The following ZFAT variants were observed in gnomAD, a reference collection of about 807,000 sequenced individuals.
ZFAT encodes zinc finger and AT-hook domain containing.
Under a neutral mutation model 117.7 loss-of-function variants are expected in ZFAT, and 64 were observed. The observed-to-expected ratio is 0.54, with a 90% CI of 0.44 to 0.67. The LOEUF (loss-of-function observed/expected upper bound fraction) is 0.67. Ranked by LOEUF, ZFAT falls within the 30% of genes least tolerant of loss-of-function variation. The pLI, the probability that ZFAT is intolerant of heterozygous loss-of-function variation, is 0.00. For synonymous variants in ZFAT, 679 were observed against 615.0 expected (o/e 1.10, Z -1.54); for missense variants, 1,433 against 1,584.5 (o/e 0.90, Z 1.62).
the ZFAT span, among the ~76,000 whole-genome samples, chr8:134,800,925 G>A: frequency 6.6e-6 from 1 of 152,044 alleles, no homozygotes; most frequent in Non-Finnish European, 1.5e-5. Context: ...AAGTGATAAC[G>A]TTTTTCACCA....
chr8:134,663,997 G>C (rs1179646935), intron 1 of ZFAT, among the ~76,000 whole-genome samples: 2 of 152,162 alleles, frequency 1.3e-5, no homozygotes, highest in African/African-American at 4.8e-5. Context: ...CAGAGGAAAG[G>C]GGAAAGCCTT....
At chr8:134,678,776 A>G (rs1475294235) in intron 1 of ZFAT, among the ~76,000 whole-genome samples, 1 of 152,196 alleles carries the variant, frequency 6.6e-6, no homozygotes, top group Admixed American at 6.5e-5. Context: ...GGCCTCAGAA[A>G]TAACACCACA....
chr8:134,485,638 C>T (rs1337218680), intron 15 of ZFAT, among the ~76,000 whole-genome samples: 1 of 152,128 alleles, frequency 6.6e-6, no homozygotes, highest in Non-Finnish European at 1.5e-5. Flanking sequence ...TGGCCCACAG[C>T]CTCTGAAACC....
intron 15 of ZFAT, among the ~76,000 whole-genome samples, chr8:134,502,575 G>A (rs893739012): frequency 1.1e-4 from 16 of 152,220 alleles, no homozygotes; most frequent in African/African-American, 3.9e-4. Flanking sequence ...CAGGGTGGGG[G>A]CTCTGCCTGC....
rs1213418783 is a variant in ZFAT at position 134,478,289 on chromosome 8, C to G, written c.*193G>C. 2.9e-6 allele frequency: 2 copies of G among 697,660 alleles called. No individual in the cohort carries two copies. Among genetic ancestry groups the G allele is most frequent in the Non-Finnish European group, 4.7e-6 (2 of 425,546 alleles). 43.2% of individuals were successfully genotyped at this position (697,660 alleles called of 1,614,324 possible). ...GTGTGTCTATGCTGGGGTGAGGGTC[C>G]TGTGGTATTGCTGGTGATGCTGACT... On this transcript the variant is annotated 3_prime_UTR_variant, in exon 16 of 16. Transcript: ENST00000377838. This position sits in a 1 kb window ranked among gnomAD's most constrained non-coding sequence, Gnocchi z 5.2.
At chr8:134,821,733 G>A in the ZFAT span, among the ~76,000 whole-genome samples, 1 of 152,120 alleles carries the variant, frequency 6.6e-6, no homozygotes, top group Non-Finnish European at 1.5e-5. Context: ...CTGTTTCTAT[G>A]AGAAACCTAA....
At chr8:134,510,134 G>A (rs564771032) in intron 14 of ZFAT, 18 of 458,732 alleles carry the variant, frequency 3.9e-5, no homozygotes, top group Admixed American at 2.1e-4. Context: ...CAGCAAGCCC[G>A]TTCAGCCGCA....
chr8:134,737,440 C>T, the ZFAT span, among the ~76,000 whole-genome samples: 1 of 152,172 alleles, frequency 6.6e-6, no homozygotes, highest in Non-Finnish European at 1.5e-5. Flanking sequence ...TTCCTAAGCC[C>T]AAATGCTGTT....
At chr8:134,506,371 C>T (rs544384945) in intron 15 of ZFAT, among the ~76,000 whole-genome samples, 3 of 152,146 alleles carry the variant, frequency 2.0e-5, no homozygotes, top group Non-Finnish European at 2.9e-5. Flanking sequence ...GGGAGATGCT[C>T]GGGCCCCATG....
intron 6 of ZFAT, 69 bp from the exon 7 acceptor site, chr8:134,600,737 T>A: frequency 8.1e-7 from 1 of 1,233,904 alleles, no homozygotes; most frequent in Non-Finnish European, 1.1e-6. Flanking sequence ...TTTAAATTAT[T>A]ATTATTTTTT....
Position 134,614,784 on chromosome 8 carries a change from C to T in ZFAT, c.449-4129G>A, listed in dbSNP as rs377029826. Among the ~76,000 whole-genome samples the T allele has an allele frequency of 5.3e-5, 8 of 152,076 alleles. No homozygotes were observed. In the East Asian group the frequency reaches 7.7e-4, roughly 15 times the overall value. ...CCAAGGAAAGGGTGTTTTTCAGACA[C>T]GTTTATGAGGAGGGTTTTCCAGGAA... On this transcript the variant is annotated intron_variant, in intron 3 of 15. Coordinates refer to ENST00000377838, the MANE Select transcript of ZFAT (RefSeq NM_020863.4).
At position 134,596,323 on chromosome 8, in the gene ZFAT, C is replaced by T. The variant is rs578188220; in HGVS notation, c.2475+4113G>A. Among the ~76,000 whole-genome samples, 7 of 152,358 alleles carry T rather than the reference C, an allele frequency of 4.6e-5. 1 individual carries two copies. In the South Asian group the frequency reaches 1.4e-3, roughly 32 times the overall value. On this transcript the variant is annotated intron_variant, in intron 7 of 15. Coordinates refer to ENST00000377838, the MANE Select transcript of ZFAT (RefSeq NM_020863.4). ...AAGACCAAGCAGTCTGCACAGTCCA[C>T]AGACGTAGAGCCAGAACCCTGTCCT...
intron 1 of ZFAT, among the ~76,000 whole-genome samples, chr8:134,706,107 T>G (rs1176918044): frequency 6.6e-6 from 1 of 152,226 alleles, no homozygotes; most frequent in Non-Finnish European, 1.5e-5. Context: ...ATTTGGAAGT[T>G]TCTTAAAAAG....
intron 11 of ZFAT, among the ~76,000 whole-genome samples, chr8:134,561,901 G>A (rs1395402840): frequency 6.6e-6 from 1 of 152,182 alleles, no homozygotes; most frequent in Admixed American, 6.5e-5. Context: ...ATGGTTGGCA[G>A]AATAATGGCC....
the ZFAT span, among the ~76,000 whole-genome samples, chr8:134,757,058 C>G: frequency 2.0e-5 from 3 of 149,058 alleles, no homozygotes; most frequent in African/African-American, 7.5e-5. Flanking sequence ...CTCCTGTCGC[C>G]CAGGCTGGAG....
chr8:134,532,800 G>A (rs374262156), intron 12 of ZFAT, 34 bp downstream of exon 12: 1,109 of 1,604,316 alleles, frequency 6.9e-4, no homozygotes, highest in Non-Finnish European at 8.1e-4. Context: ...AAAAGGAAGC[G>A]GGCAGGGCCC....
In ZFAT at chr8:134,478,225, T is replaced by G; in HGVS notation, c.*257A>C. On this transcript the variant is annotated 3_prime_UTR_variant, in exon 16 of 16. Transcript: ENST00000377838. This position sits in a 1 kb window ranked among gnomAD's most constrained non-coding sequence, Gnocchi z 5.2. ...GGGGTGTGTGTAGGGGAGCTGACAC[T>G]GAAGTCTTTCAGGAAGCAGATGGTA... 3.7e-6 allele frequency: 2 copies of G among 539,038 alleles called. No homozygotes were observed. The highest frequency in any genetic ancestry group is 6.7e-6 in the Non-Finnish European group (2 of 300,296). 33.4% of individuals were successfully genotyped at this position (539,038 alleles called of 1,614,324 possible).
At chr8:134,826,525 A>G in the ZFAT span, among the ~76,000 whole-genome samples, 2 of 152,180 alleles carry the variant, frequency 1.3e-5, no homozygotes, top group African/African-American at 4.8e-5. Context: ...TTTCCACTCC[A>G]TCTATTTAAG....
intron 13 of ZFAT, among the ~76,000 whole-genome samples, chr8:134,515,159 AG>A (rs1254871445): frequency 1.3e-5 from 2 of 152,222 alleles, no homozygotes; most frequent in African/African-American, 4.8e-5. Flanking sequence ...ATGGCTGCAT[AG>A]TATTCCATGG....
Sources: gnomAD v4.1 joint callset for allele counts (sites outside exome capture counted in the v4.1 genomes callset) on GRCh38, gnomAD v4.1.1 for gene constraint, Gnocchi (gnomAD v3.1) non-coding constraint, MANE v1.5 for transcripts, NCBI Gene and HGNC (gene_info 2026-07-23, HGNC 2026-07-21) for gene names.